Variants in FMN1 observed in about 807,000 individuals in gnomAD.
FMN1 encodes the protein formin 1.
A neutral mutation model predicts 132.4 loss-of-function variants in FMN1; 110 were observed. That is an observed-to-expected ratio of 0.83 (90% confidence interval 0.71 to 0.97). The LOEUF is 0.97. Among genes scored for constraint, FMN1 ranks in the 50% least tolerant of loss-of-function variants. FMN1 has a pLI of 0.00. For missense variants in FMN1, 1,792 were observed against 1,705.3 expected, an observed-to-expected ratio of 1.05 and a Z score of -0.90; for synonymous variants, 722 against 651.7, an observed-to-expected ratio of 1.11 and a Z score of -1.64.
intron 4 of FMN1, among the ~76,000 whole-genome samples, chr15:33,124,136 T>C (rs752355583): frequency 3.3e-5 from 5 of 152,174 alleles, no homozygotes; most frequent in Admixed American, 1.3e-4. Context: ...GAGGATCATC[T>C]CTAGATCCAA....
intron 9 of FMN1, among the ~76,000 whole-genome samples, chr15:32,960,225 T>C (rs1361298179): frequency 6.6e-6 from 1 of 152,136 alleles, no homozygotes; most frequent in Admixed American, 6.5e-5. Flanking sequence ...ACTACCAACA[T>C]GGCAGCAGGA....
chr15:33,116,754 CTT>C (rs11346902), intron 4 of FMN1, among the ~76,000 whole-genome samples: 1 of 151,486 alleles, frequency 6.6e-6, no homozygotes, highest in Non-Finnish European at 1.5e-5. Context: ...CTAGATATGG[CTT>C]TTTTTTCCCT....
At position 32,785,218 on chromosome 15, in the gene FMN1, A is replaced by ATTTTTTTTTTTTT. The variant is rs1230723314; in HGVS notation, c.4131-8312_4131-8300dup. ...TGTGTGTGTATATATATATATATAT[A>ATTTTTTTTTTTTT]TTTTTTTTTTTTTTTTTTTGTAGAG... On this transcript the variant is annotated intron_variant, in intron 19 of 20. Coordinates refer to ENST00000616417, the MANE Select transcript of FMN1 (RefSeq NM_001277313.2). 7.9e-4 allele frequency among the ~76,000 whole-genome samples: 31 copies of ATTTTTTTTTTTTT among 39,206 alleles called. 1 individual carries two copies. Among genetic ancestry groups the ATTTTTTTTTTTTT allele is most frequent in the Non-Finnish European group, 9.5e-4 (21 of 22,110 alleles). 25.7% of individuals were successfully genotyped at this position (39,206 alleles called of 152,430 possible). A position where few individuals can be genotyped will look rare whatever the true frequency, so the allele number is the denominator to read the frequency against.
chr15:32,768,812 G>A lies in FMN1; in HGVS notation c.*5498C>T, dbSNP rs1450279888. On this transcript the variant is annotated 3_prime_UTR_variant, in exon 21 of 21. Transcript: ENST00000616417. ...AAAAATAGAAAATTACATAAGCGTA[G>A]AGGGAATGTAGAAAAATAAATTGAT... The A allele has an allele frequency of 6.6e-6, 1 of 152,154 alleles. No homozygotes were observed. The highest frequency in any genetic ancestry group is 1.5e-5 in the Non-Finnish European group (1 of 68,028). The allele number at this position is 152,154 out of a possible 1,614,324, so 9.4% of individuals were successfully genotyped here. A position where few individuals can be genotyped will look rare whatever the true frequency, so the allele number is the denominator to read the frequency against.
intron 17 of FMN1, among the ~76,000 whole-genome samples, chr15:32,855,183 GA>G (rs1273563935): frequency 8.5e-6 from 1 of 117,320 alleles, no homozygotes; most frequent in Non-Finnish European, 1.8e-5. Context: ...AAAAAAAAAA[GA>G]AAAAAGAAAG....
chr15:32,953,482 A>T (rs1473852511), intron 9 of FMN1, among the ~76,000 whole-genome samples: 1 of 152,152 alleles, frequency 6.6e-6, no homozygotes, highest in Non-Finnish European at 1.5e-5. Flanking sequence ...TGAGCTTTGT[A>T]AGGTCCGTGT....
At chr15:32,851,639 C>T (rs184347065) in intron 17 of FMN1, among the ~76,000 whole-genome samples, 5 of 152,296 alleles carry the variant, frequency 3.3e-5, no homozygotes, top group Non-Finnish European at 7.4e-5. Context: ...ATTAAAATTA[C>T]ATTCAATTCT....
At chr15:32,961,789 G>T (rs534939952) in intron 9 of FMN1, among the ~76,000 whole-genome samples, 2 of 152,292 alleles carry the variant, frequency 1.3e-5, no homozygotes, top group South Asian at 2.1e-4. Context: ...CACAGAGAGT[G>T]AAAGGACCTA....
At chr15:32,896,244 CTATAA>C (rs1180090678) in intron 15 of FMN1, among the ~76,000 whole-genome samples, 12 of 151,830 alleles carry the variant, frequency 7.9e-5, no homozygotes, top group Non-Finnish European at 1.2e-4. Context: ...TATTATAGCT[CTATAA>C]TATATTAGAA....
intron 17 of FMN1, among the ~76,000 whole-genome samples, chr15:32,844,702 T>C (rs2058819141): frequency 6.6e-6 from 1 of 152,254 alleles, no homozygotes. Flanking sequence ...TCTAAAATTA[T>C]GGCCGTCCTC....
At chr15:33,192,869 AC>A (rs1342810921) in intron 2 of FMN1, among the ~76,000 whole-genome samples, 1 of 152,202 alleles carries the variant, frequency 6.6e-6, no homozygotes, top group Non-Finnish European at 1.5e-5. Flanking sequence ...TTTAATCCTC[AC>A]ACCTTCTCCT....
At chr15:32,809,947 T>A (rs796670968) in intron 17 of FMN1, among the ~76,000 whole-genome samples, 11 of 151,656 alleles carry the variant, frequency 7.3e-5, no homozygotes, top group African/African-American at 2.7e-4. Context: ...TGAGACAGGG[T>A]CTTGTTCTTT....
chr15:32,795,818 G>A (rs909244092), intron 19 of FMN1, among the ~76,000 whole-genome samples: 5 of 152,160 alleles, frequency 3.3e-5, no homozygotes, highest in African/African-American at 1.2e-4. Context: ...GGGCTCAGAA[G>A]TTTGCTCTTT....
At chr15:33,051,764 T>C (rs2036984845) in intron 6 of FMN1, among the ~76,000 whole-genome samples, 1 of 152,142 alleles carries the variant, frequency 6.6e-6, no homozygotes, top group South Asian at 2.1e-4. Context: ...CCCTCCCAAG[T>C]GCTGGCAGGC....
In FMN1 at chr15:32,964,203, G is replaced by T; in HGVS notation, c.3042C>A (p.Asp1014Glu). 6.2e-7 allele frequency: 1 copy of T among 1,612,348 alleles called. No homozygotes were observed. The highest frequency in any genetic ancestry group is 1.1e-5 in the South Asian group (1 of 90,858). The change falls in exon 9 of 21, where the codon GAC becomes GAA. Residue 1014 changes from aspartate to glutamate, a missense_variant. Coordinates refer to ENST00000616417, the MANE Select transcript of FMN1 (RefSeq NM_001277313.2). ...AGAATAAATACTCAAATTCACTGGG[G>T]TCCCGAATGTCAGGTTCTTCTAAGG... ...WDSLEEPDIR[D>E]PSEFEYLFSK...
chr15:32,868,106 C>A (rs928194531), intron 16 of FMN1, among the ~76,000 whole-genome samples: 3 of 152,172 alleles, frequency 2.0e-5, no homozygotes, highest in African/African-American at 7.2e-5. Flanking sequence ...CAGAATGATG[C>A]TTCTGTCAAT....
chr15:33,120,816 T>C (rs2140172039), intron 4 of FMN1, among the ~76,000 whole-genome samples: 1 of 151,172 alleles, frequency 6.6e-6, no homozygotes, highest in South Asian at 2.1e-4. Flanking sequence ...TGCATGTTTA[T>C]GTATTTTTAA....
chr15:33,154,462 C>T lies in FMN1; in HGVS notation c.453G>A (p.Arg151=), dbSNP rs762236080. The change falls in exon 4 of 21, where the codon AGG becomes AGA. Residue 151 remains arginine (R), a synonymous_variant. Coordinates refer to ENST00000616417, the MANE Select transcript of FMN1 (RefSeq NM_001277313.2). ...GELPVGPLNK[R]STHGNKKPRR... ...GAGGCTTTTTGTTCCCGTGGGTGCT[C>T]CTCTTATTGAGAGGGCCCACGGGGA... 1 of 1,536,054 alleles carries T rather than the reference C, an allele frequency of 6.5e-7. No homozygotes were observed. Among genetic ancestry groups the T allele is most frequent in the South Asian group, 1.2e-5 (1 of 84,054 alleles).
At chr15:32,826,288 A>G (rs949781768) in intron 17 of FMN1, among the ~76,000 whole-genome samples, 1 of 152,084 alleles carries the variant, frequency 6.6e-6, no homozygotes, top group African/African-American at 2.4e-5. Context: ...GCAGCTCTCC[A>G]GGGAGAGTGG....
Sources: gnomAD v4.1 joint callset for allele counts (sites outside exome capture counted in the v4.1 genomes callset) on GRCh38, gnomAD v4.1.1 for gene constraint, MANE v1.5 for transcripts, NCBI Gene and HGNC (gene_info 2026-07-23, HGNC 2026-07-21) for gene names.